The following PRKCQ variants were observed in gnomAD, a reference collection of about 807,000 sequenced individuals.
PRKCQ encodes the protein protein kinase C theta type.
In PRKCQ, 41 loss-of-function variants were observed where a neutral mutation model predicts 91.2. The ratio of observed to expected loss-of-function variants is 0.45; its 90% CI spans 0.35 to 0.58. The LOEUF (loss-of-function observed/expected upper bound fraction) is 0.58. Ranked by LOEUF, PRKCQ falls within the 20% of genes least tolerant of loss-of-function variation. The pLI is 0.00. For synonymous variants in PRKCQ, 307 were observed against 316.9 expected (o/e 0.97, Z 0.33); for missense variants, 673 against 896.5 (o/e 0.75, Z 3.18).
At chr10:6,534,778 A>ATC (rs1356049558) in intron 1 of PRKCQ, among the ~76,000 whole-genome samples, 3,190 of 70,514 alleles carry the variant, frequency 0.045, 124 homozygotes, top group African/African-American at 0.088. Context: ...ATATATCTAT[A>ATC]TATATATATA....
In PRKCQ at chr10:6,440,890, A is replaced by G. The variant is rs926073626; in HGVS notation, c.1836+1003T>C. Among the ~76,000 whole-genome samples the G allele has an allele frequency of 1.1e-4, 17 of 152,310 alleles. No individual in the cohort carries two copies. In the East Asian group the frequency reaches 3.1e-3, roughly 28 times the overall value. The stretch of plus-strand genomic sequence containing the variant: ...GTGATCCCAGCTACTCAGGAGGCTG[A>G]GGCAGGAGAATCGCTTTAACCTGGG... On this transcript the variant is annotated intron_variant, in intron 16 of 17. Coordinates refer to ENST00000263125, the MANE Select transcript of PRKCQ (RefSeq NM_006257.5).
the PRKCQ span, among the ~76,000 whole-genome samples, chr10:6,397,307 C>G: frequency 6.6e-6 from 1 of 152,166 alleles, no homozygotes; most frequent in Non-Finnish European, 1.5e-5. Flanking sequence ...GTTGGCCAAG[C>G]TGGTCTCGAA....
chr10:6,466,981 A>C (rs549092189), intron 12 of PRKCQ, among the ~76,000 whole-genome samples: 2 of 152,276 alleles, frequency 1.3e-5, no homozygotes, highest in East Asian at 3.9e-4. Context: ...AGTTTGTGAA[A>C]TGGGGTAGTA....
At chr10:6,480,971 G>A (rs1488732692) in intron 11 of PRKCQ, among the ~76,000 whole-genome samples, 1 of 152,216 alleles carries the variant, frequency 6.6e-6, no homozygotes, top group African/African-American at 2.4e-5. Flanking sequence ...GGGTATAGAG[G>A]TCTTGGTGAG....
chr10:6,555,924 G>A (rs889363942), intron 1 of PRKCQ, among the ~76,000 whole-genome samples: 14 of 152,096 alleles, frequency 9.2e-5, no homozygotes, highest in South Asian at 2.1e-4. Flanking sequence ...CAGGAGAATC[G>A]CTTGAAACCG....
In PRKCQ at chr10:6,465,428, G is replaced by C. The variant is rs141788115; in HGVS notation, c.1354-1024C>G. ...AGGCTGTGGTGGGCATATCAGCCAG[G>C]ATTGTAACCAGCCTCAGCAACTCAA... is the stretch of plus-strand genomic sequence containing the variant. On this transcript the variant is annotated intron_variant, in intron 12 of 17. Coordinates refer to ENST00000263125, the MANE Select transcript of PRKCQ (RefSeq NM_006257.5). This position sits in a 1 kb window ranked among gnomAD's most constrained non-coding sequence, Gnocchi z 4.4. Among the ~76,000 whole-genome samples the C allele has an allele frequency of 1.3e-5, 2 of 152,274 alleles. No individual in the cohort carries two copies. The highest frequency in any genetic ancestry group is 3.4e-3 in the Middle Eastern group (1 of 294).
the PRKCQ span, among the ~76,000 whole-genome samples, chr10:6,422,088 CCTTT>C: frequency 1.3e-5 from 2 of 152,048 alleles, no homozygotes; most frequent in Admixed American, 6.6e-5. Flanking sequence ...TTTGATACCC[CCTTT>C]CTTTGTGATC....
intron 17 of PRKCQ, among the ~76,000 whole-genome samples, chr10:6,428,642 T>C (rs1833251612): frequency 6.6e-6 from 1 of 152,156 alleles, no homozygotes. Context: ...ATGGTTTACA[T>C]GAAGCAGGGT....
chr10:6,419,555 T>C, the PRKCQ span, among the ~76,000 whole-genome samples: 1 of 152,360 alleles, frequency 6.6e-6, no homozygotes, highest in East Asian at 1.9e-4. Context: ...TGGATCCATT[T>C]AATGTATTAT....
the PRKCQ span, among the ~76,000 whole-genome samples, chr10:6,400,030 C>T: frequency 1.6e-4 from 25 of 152,282 alleles, no homozygotes; most frequent in East Asian, 5.8e-4. Flanking sequence ...ACATGCTGCA[C>T]GGTTTGACGC....
intron 10 of PRKCQ, 32 bp downstream of exon 10, chr10:6,485,120 A>T: frequency 2.6e-6 from 4 of 1,549,968 alleles, no homozygotes; most frequent in Non-Finnish European, 3.6e-6. Flanking sequence ...TTAATGACTG[A>T]CAGTGATTAG....
intron 12 of PRKCQ, among the ~76,000 whole-genome samples, chr10:6,475,178 CA>C (rs1836205957): frequency 6.6e-6 from 1 of 152,136 alleles, no homozygotes; most frequent in Non-Finnish European, 1.5e-5. Flanking sequence ...CATTCAGATT[CA>C]GGTTCAGATT....
chr10:6,492,654 G>C (rs1301822353), intron 7 of PRKCQ, among the ~76,000 whole-genome samples: 1 of 152,160 alleles, frequency 6.6e-6, no homozygotes, highest in African/African-American at 2.4e-5. Flanking sequence ...GTGGGAGAGG[G>C]ATGCTAGTGA....
chr10:6,475,436 T>C (rs1203478836), intron 12 of PRKCQ, among the ~76,000 whole-genome samples: 1 of 152,180 alleles, frequency 6.6e-6, no homozygotes. Context: ...CTTCCATAGG[T>C]GATATATCCC....
At chr10:6,500,336 G>A (rs1261214238) in intron 4 of PRKCQ, among the ~76,000 whole-genome samples, 2 of 151,524 alleles carry the variant, frequency 1.3e-5, no homozygotes, top group Non-Finnish European at 2.9e-5. Flanking sequence ...ATTATTATGG[G>A]GACCCTATAC....
chr10:6,556,454 A>G lies in PRKCQ; in HGVS notation c.-10+23757T>C, dbSNP rs910521229. 4.0e-5 allele frequency among the ~76,000 whole-genome samples: 6 copies of G among 149,690 alleles called. No homozygotes were observed. The South Asian group carries it at 6.4e-4, about 16-fold the overall frequency. ...CTTGGGAAAAAAAAAAAAAAAAAAA[A>G]AGCAACACTTAATATGAGCTACCTG... On this transcript the variant is annotated intron_variant, in intron 1 of 17. Transcript: ENST00000263125.
At chr10:6,515,909 G>T (rs1353894294) in intron 1 of PRKCQ, among the ~76,000 whole-genome samples, 2 of 152,096 alleles carry the variant, frequency 1.3e-5, no homozygotes, top group Non-Finnish European at 2.9e-5. Flanking sequence ...TTCATCTATT[G>T]TTCCATTATT....
At chr10:6,399,418 G>T in the PRKCQ span, among the ~76,000 whole-genome samples, 1 of 152,062 alleles carries the variant, frequency 6.6e-6, no homozygotes, top group Non-Finnish European at 1.5e-5. Context: ...CTATTGCTGC[G>T]CTCTTGGCAA....
intron 4 of PRKCQ, among the ~76,000 whole-genome samples, chr10:6,502,714 AGAC>A (rs1325623853): frequency 1.3e-5 from 2 of 152,236 alleles, no homozygotes; most frequent in Non-Finnish European, 2.9e-5. Context: ...AATATTGACT[AGAC>A]AACACGAACA....
Sources: gnomAD v4.1 joint callset for allele counts (sites outside exome capture counted in the v4.1 genomes callset) on GRCh38, gnomAD v4.1.1 for gene constraint, Gnocchi (gnomAD v3.1) non-coding constraint, MANE v1.5 for transcripts, NCBI Gene and HGNC (gene_info 2026-07-23, HGNC 2026-07-21) for gene names.